PPP2R3A: variants seen among roughly 807,000 people sequenced by gnomAD.
The protein encoded by PPP2R3A is serine/threonine-protein phosphatase 2A regulatory subunit B'' subunit alpha.
Under a neutral mutation model 106.9 loss-of-function variants are expected in PPP2R3A, and 80 were observed. That is an observed-to-expected ratio of 0.75 (90% confidence interval 0.62 to 0.90). The LOEUF is 0.90. Ranked by LOEUF, PPP2R3A falls within the 40% of genes least tolerant of loss-of-function variation. The pLI is 0.00. For synonymous variants in PPP2R3A, 483 were observed against 468.3 expected, an observed-to-expected ratio of 1.03 and a Z score of -0.41; for missense variants, 1,386 against 1,350.4, an observed-to-expected ratio of 1.03 and a Z score of -0.41.
At chr3:136,120,319 G>A (rs1329161825) in intron 13 of PPP2R3A, among the ~76,000 whole-genome samples, 3 of 152,158 alleles carry the variant, frequency 2.0e-5, no homozygotes, top group Non-Finnish European at 2.9e-5. Flanking sequence ...CGGGTGCAGT[G>A]GGTCACACCT....
chr3:136,004,142 T>C (rs190816604), intron 2 of PPP2R3A, among the ~76,000 whole-genome samples: 14 of 152,320 alleles, frequency 9.2e-5, no homozygotes, highest in African/African-American at 1.9e-4. Context: ...AGAATAAATA[T>C]CAATCTAGAA....
chr3:136,132,659 G>A (rs369971929), intron 13 of PPP2R3A, among the ~76,000 whole-genome samples: 5 of 151,958 alleles, frequency 3.3e-5, no homozygotes, highest in Admixed American at 6.6e-5. Context: ...AAGGCTCAGC[G>A]TTGTTAAAAT....
chr3:136,088,716 A>T (rs545192278), intron 9 of PPP2R3A, among the ~76,000 whole-genome samples: 38 of 152,342 alleles, frequency 2.5e-4, no homozygotes, highest in African/African-American at 8.9e-4. Flanking sequence ...CTAACAGTGT[A>T]TAAGTATTCC....
At chr3:136,091,139 CT>C in intron 10 of PPP2R3A, among the ~76,000 whole-genome samples, 1 of 152,274 alleles carries the variant, frequency 6.6e-6, no homozygotes, top group African/African-American at 2.4e-5. Flanking sequence ...TTACACATTT[CT>C]TTCTTTCCAT....
At chr3:136,082,932 C>CA (rs1337689110) in intron 8 of PPP2R3A, among the ~76,000 whole-genome samples, 15 of 152,126 alleles carry the variant, frequency 9.9e-5, no homozygotes, top group Non-Finnish European at 1.0e-4. Context: ...TGTCAGAAAA[C>CA]AAAAAATTAC....
At chr3:136,013,157 G>GGTGTGTGTGTGT (rs773969022) in intron 2 of PPP2R3A, among the ~76,000 whole-genome samples, 26 of 139,698 alleles carry the variant, frequency 1.9e-4, no homozygotes, top group African/African-American at 6.5e-4. Context: ...AGTATTCCAT[G>GGTGTGTGTGTGT]GTGTGTGTGT....
intron 5 of PPP2R3A, among the ~76,000 whole-genome samples, chr3:136,064,717 T>G (rs1936203556): frequency 6.6e-6 from 1 of 152,222 alleles, no homozygotes; most frequent in Non-Finnish European, 1.5e-5. Context: ...GGTATGATTA[T>G]GAACAGCTGA....
intron 5 of PPP2R3A, among the ~76,000 whole-genome samples, chr3:136,064,548 C>A (rs1305529488): frequency 6.6e-6 from 1 of 151,820 alleles, no homozygotes; most frequent in Non-Finnish European, 1.5e-5. Flanking sequence ...TAAGGAAACT[C>A]GTCAAAGCTA....
At chr3:135,990,582 A>G (rs1426980192) in intron 1 of PPP2R3A, among the ~76,000 whole-genome samples, 1 of 152,226 alleles carries the variant, frequency 6.6e-6, no homozygotes, top group Non-Finnish European at 1.5e-5. Flanking sequence ...CTTAATAAAA[A>G]TAAATTTCAG....
At chr3:136,078,228 T>C (rs1342761515) in intron 6 of PPP2R3A, 139 bp from the exon 7 acceptor site, 33 of 653,370 alleles carry the variant, frequency 5.1e-5, no homozygotes, top group Non-Finnish European at 7.1e-5. Context: ...ACAGTGCTGA[T>C]TTTTACTAGG....
chr3:136,106,208 C>T lies in PPP2R3A; in HGVS notation c.3223-8C>T. ...TTTATTTCTCGTGGCTGTCTTCTTT[C>T]CAATCAGGATGTTGAGAACGATGGG... On this transcript the variant is annotated splice_polypyrimidine_tract_variant and splice_region_variant and intron_variant, in intron 12 of 13. Transcript: ENST00000264977. The T allele has an allele frequency of 6.2e-7, 1 of 1,602,098 alleles. No homozygotes were observed. Among genetic ancestry groups the T allele is most frequent in the Non-Finnish European group, 8.5e-7 (1 of 1,176,246 alleles).
At chr3:136,060,001 A>G (rs1936021868) in intron 5 of PPP2R3A, among the ~76,000 whole-genome samples, 1 of 152,194 alleles carries the variant, frequency 6.6e-6, no homozygotes, top group African/African-American at 2.4e-5. Flanking sequence ...GGTAGGAGGA[A>G]GGAGAGGATC....
At chr3:136,095,123 C>T (rs946861517) in intron 10 of PPP2R3A, among the ~76,000 whole-genome samples, 4 of 152,162 alleles carry the variant, frequency 2.6e-5, no homozygotes, top group African/African-American at 9.7e-5. Flanking sequence ...AATTCTCCAG[C>T]ATCTTTGAAC....
intron 2 of PPP2R3A, among the ~76,000 whole-genome samples, chr3:136,016,732 C>T (rs943401316): frequency 6.6e-6 from 1 of 152,170 alleles, no homozygotes; most frequent in African/African-American, 2.4e-5. Flanking sequence ...CTCTTAAAGA[C>T]AGCAGATACT....
In PPP2R3A at chr3:136,104,557, A is replaced by G. The variant is rs912730062; in HGVS notation, c.3222+1181A>G. Reference sequence around the variant, plus strand: ...CCGACCTTAGGTGATCTGCCCACCTAGGCCTCCCAAAGTGCTGGGATTACA... The same window carrying G: ...CCGACCTTAGGTGATCTGCCCACCTGGGCCTCCCAAAGTGCTGGGATTACA... On this transcript the variant is annotated intron_variant, in intron 12 of 13. Coordinates refer to ENST00000264977, the MANE Select transcript of PPP2R3A (RefSeq NM_002718.5). 7.2e-5 allele frequency among the ~76,000 whole-genome samples: 11 copies of G among 152,068 alleles called. 1 individual carries two copies. The highest frequency in any genetic ancestry group is 7.2e-4 in the Admixed American group (11 of 15,248).
intron 2 of PPP2R3A, among the ~76,000 whole-genome samples, chr3:136,006,512 C>T (rs955515629): frequency 5.9e-5 from 9 of 152,106 alleles, no homozygotes; most frequent in Non-Finnish European, 1.0e-4. Flanking sequence ...TTGCCCTTTG[C>T]AAGACAAACC....
rs746871388 is a variant in PPP2R3A, at chr3:136,090,637, T to A, written c.2897T>A (p.Ile966Asn). Reference sequence around the variant, plus strand: ...TATGCAGATTTTGTTTGGTTTTTGATCTCTGAAGAAGACAAAAGGAATCCT... The same window carrying A: ...TATGCAGATTTTGTTTGGTTTTTGAACTCTGAAGAAGACAAAAGGAATCCT... ...MSYADFVWFL[I>N]SEEDKRNPTS... is the part of the protein sequence containing the mutation. The change falls in exon 10 of 14, where the codon ATC becomes AAC. Residue 966 changes from isoleucine to asparagine, a missense_variant. Physicochemically the swap from Ile to Asn is moderately radical, Grantham distance 149 (BLOSUM62 -3). Coordinates refer to ENST00000264977, the MANE Select transcript of PPP2R3A (RefSeq NM_002718.5). 1 of 1,613,556 alleles carries A rather than the reference T, an allele frequency of 6.2e-7. No individual in the cohort carries two copies. The highest frequency in any genetic ancestry group is 1.1e-5 in the South Asian group (1 of 91,048).
chr3:136,077,495 G>GCACC (rs1936635391), intron 6 of PPP2R3A, among the ~76,000 whole-genome samples: 1 of 146,550 alleles, frequency 6.8e-6, no homozygotes, highest in Non-Finnish European at 1.5e-5. Context: ...AAAGCAGAAT[G>GCACC]CACCCCCCCA....
intron 4 of PPP2R3A, among the ~76,000 whole-genome samples, chr3:136,042,925 G>A (rs1374639126): frequency 6.6e-6 from 1 of 151,990 alleles, no homozygotes; most frequent in East Asian, 1.9e-4. Context: ...ACATGGTGGT[G>A]TGAGTTACCA....
Sources: allele counts gnomAD v4.1 joint callset (sites outside exome capture counted in the v4.1 genomes callset), GRCh38; gene constraint gnomAD v4.1.1; transcripts MANE v1.5; gene names NCBI Gene and HGNC (gene_info 2026-07-23, HGNC 2026-07-21).